The following SYNDIG1 variants were observed in gnomAD, a reference collection of about 807,000 sequenced individuals.
SYNDIG1 encodes synapse differentiation inducing 1.
In SYNDIG1, 9 loss-of-function variants were observed where a neutral mutation model predicts 19.4. The ratio of observed to expected loss-of-function variants is 0.46; its 90% confidence interval spans 0.28 to 0.81. The LOEUF (loss-of-function observed/expected upper bound fraction) is 0.81. SYNDIG1 is among the 30% of genes least tolerant of loss of function. SYNDIG1 has a pLI of 0.12. For synonymous variants in SYNDIG1, 141 were observed against 145.9 expected, an observed-to-expected ratio of 0.97 and a Z score of 0.24; for missense variants, 311 against 343.3, an observed-to-expected ratio of 0.91 and a Z score of 0.74.
intron 1 of SYNDIG1, among the ~76,000 whole-genome samples, chr20:24,542,711 G>A (rs1018227163): frequency 6.6e-6 from 1 of 152,178 alleles, no homozygotes; most frequent in Non-Finnish European, 1.5e-5. Context: ...TTACCTGTGG[G>A]TTTCAGGATG....
intron 1 of SYNDIG1, among the ~76,000 whole-genome samples, chr20:24,485,902 G>A (rs943131194): frequency 3.9e-5 from 6 of 152,218 alleles, no homozygotes; most frequent in African/African-American, 9.6e-5. Context: ...GGCAAGAAGT[G>A]AGAAAGGTGG....
intron 1 of SYNDIG1, among the ~76,000 whole-genome samples, chr20:24,499,761 A>G (rs774653097): frequency 8.5e-5 from 13 of 152,346 alleles, no homozygotes; most frequent in Middle Eastern, 3.4e-3. Flanking sequence ...AAGCAAAAGC[A>G]TCCTTGGTAA....
intron 2 of SYNDIG1, among the ~76,000 whole-genome samples, chr20:24,566,880 A>G (rs1294510997): frequency 6.6e-6 from 1 of 152,166 alleles, no homozygotes; most frequent in East Asian, 1.9e-4. Context: ...CCCCACCCTG[A>G]GCGGGAAGGA....
intron 1 of SYNDIG1, among the ~76,000 whole-genome samples, chr20:24,528,854 G>A (rs1412743451): frequency 6.6e-6 from 1 of 152,140 alleles, no homozygotes. Context: ...TTATCCTAGA[G>A]GACATTTGCA....
At chr20:24,517,680 ATGTATATATATATACACATATATATG>A (rs1358278805) in intron 1 of SYNDIG1, among the ~76,000 whole-genome samples, 3 of 145,552 alleles carry the variant, frequency 2.1e-5, no homozygotes, top group African/African-American at 5.0e-5. Flanking sequence ...ATATGTGTAT[ATGTATATATATATACACATATATATG>A]TGTATATATA....
chr20:24,635,793 G>T (rs901154587), intron 3 of SYNDIG1, among the ~76,000 whole-genome samples: 5 of 151,982 alleles, frequency 3.3e-5, no homozygotes, highest in African/African-American at 1.2e-4. Flanking sequence ...TAACCACCTC[G>T]ACTGCCCTTC....
chr20:24,542,343 T>C (rs1043184509), intron 1 of SYNDIG1, among the ~76,000 whole-genome samples: 18 of 152,214 alleles, frequency 1.2e-4, no homozygotes, highest in African/African-American at 4.1e-4. Flanking sequence ...ATGTGCAGAC[T>C]CATCAGCTGG....
In SYNDIG1 at chr20:24,543,071, C is replaced by T. The variant is rs540350911; in HGVS notation, c.-27C>T. The T allele has an allele frequency of 6.2e-7, 1 of 1,600,304 alleles. No homozygotes were observed. Among genetic ancestry groups the T allele is most frequent in the Non-Finnish European group, 8.5e-7 (1 of 1,170,402 alleles). Reference sequence around the variant, plus strand: ...TAACCTACATTCCCAGCCCACCAGCCTGACGCCCAGCCAGGGAGAGAGTAC... The same window carrying T: ...TAACCTACATTCCCAGCCCACCAGCTTGACGCCCAGCCAGGGAGAGAGTAC... On this transcript the variant is annotated 5_prime_UTR_variant, in exon 2 of 4. Transcript: ENST00000376862.
rs923123951 is a variant in SYNDIG1 at position 24,545,574 on chromosome 20, C to T, written c.480+1997C>T. Reference sequence around the variant, plus strand: ...GCTCAATGCGGGGTTCAGAAGTCATCACACAGGCAGGAGCCCTCCCCCGGC... The same window carrying T: ...GCTCAATGCGGGGTTCAGAAGTCATTACACAGGCAGGAGCCCTCCCCCGGC... On this transcript the variant is annotated intron_variant, in intron 2 of 3. Coordinates refer to ENST00000376862, the MANE Select transcript of SYNDIG1 (RefSeq NM_024893.3). Among the ~76,000 whole-genome samples, 34 of 152,264 alleles carry T rather than the reference C, an allele frequency of 2.2e-4. 1 individual carries two copies. Among genetic ancestry groups the T allele is most frequent in the African/African-American group, 8.2e-4 (34 of 41,572 alleles).
At chr20:24,601,711 TTATC>T (rs1232159784) in intron 3 of SYNDIG1, among the ~76,000 whole-genome samples, 1 of 152,184 alleles carries the variant, frequency 6.6e-6, no homozygotes, top group African/African-American at 2.4e-5. Flanking sequence ...TTGTTGATAT[TTATC>T]TGTAGAAATC....
chr20:24,660,500 G>A (rs1170749514), intron 3 of SYNDIG1, among the ~76,000 whole-genome samples: 1 of 152,212 alleles, frequency 6.6e-6, no homozygotes, highest in Non-Finnish European at 1.5e-5. Flanking sequence ...GGCCTCAGGA[G>A]GAAGGGCCTC....
chr20:24,653,606 A>C (rs2059495157), intron 3 of SYNDIG1, among the ~76,000 whole-genome samples: 1 of 152,168 alleles, frequency 6.6e-6, no homozygotes, highest in African/African-American at 2.4e-5. Context: ...AGTGCTCCTT[A>C]GCCCCCCTGG....
In SYNDIG1 at chr20:24,628,028, G is replaced by A. The variant is rs143352763; in HGVS notation, c.619-37318G>A. On this transcript the variant is annotated intron_variant, in intron 3 of 3. Coordinates refer to ENST00000376862, the MANE Select transcript of SYNDIG1 (RefSeq NM_024893.3). ...GATGTTAAATCATCTTTGATTGTTC[G>A]TACTTATGGCACTTAGAGGAGCACA... Among the ~76,000 whole-genome samples, 979 of 152,276 alleles carry A rather than the reference G, an allele frequency of 6.4e-3. 10 individuals are homozygous for A. Among genetic ancestry groups the A allele is most frequent in the African/African-American group, 0.022 (909 of 41,548 alleles).
In SYNDIG1 at chr20:24,543,280, C is replaced by T. The variant is rs2057504579; in HGVS notation, c.183C>T (p.Ser61=). ...TGGGGGCCAGCACAGTGCCGGCCAG[C>T]CTGGACAGCAGCAGGAGTGAGCCGA... ...HRVGASTVPA[S]LDSSRSEPMQ... is the part of the protein sequence containing the mutation. Residue 61 remains serine, a synonymous_variant, in exon 2 of 4, where the codon AGC becomes AGT. Coordinates refer to ENST00000376862, the MANE Select transcript of SYNDIG1 (RefSeq NM_024893.3). The T allele has an allele frequency of 2.5e-6, 4 of 1,613,670 alleles. No individual in the cohort carries two copies. The highest frequency in any genetic ancestry group is 1.1e-5 in the South Asian group (1 of 91,076).
chr20:24,494,148 C>T (rs933692270), intron 1 of SYNDIG1, among the ~76,000 whole-genome samples: 4 of 151,140 alleles, frequency 2.6e-5, no homozygotes, highest in Non-Finnish European at 4.4e-5. Flanking sequence ...GGAAGAGGGC[C>T]GGGGGCGGGG....
chr20:24,512,153 A>ATATATATATATG (rs1221978118), intron 1 of SYNDIG1, among the ~76,000 whole-genome samples: 3 of 112,808 alleles, frequency 2.7e-5, no homozygotes, highest in South Asian at 6.0e-4. Context: ...ATATATATAT[A>ATATATATATATG]TGCAGTGGTT....
At chr20:24,657,668 G>A (rs1025760472) in intron 3 of SYNDIG1, among the ~76,000 whole-genome samples, 2 of 152,130 alleles carry the variant, frequency 1.3e-5, no homozygotes, top group African/African-American at 2.4e-5. Flanking sequence ...GTGTTGGGGG[G>A]TCTGCGTGTG....
intron 1 of SYNDIG1, among the ~76,000 whole-genome samples, chr20:24,531,607 C>G (rs545769280): frequency 6.8e-6 from 1 of 147,376 alleles, no homozygotes; most frequent in East Asian, 2.0e-4. Context: ...GCAAAACCAT[C>G]TATTAAACAT....
chr20:24,526,586 TATAGATATATAG>T (rs2057128432), intron 1 of SYNDIG1, among the ~76,000 whole-genome samples: 1 of 152,162 alleles, frequency 6.6e-6, no homozygotes, highest in Non-Finnish European at 1.5e-5. Context: ...GAGATATAGA[TATAGATATATAG>T]ATAGATATAT....
Sources: gnomAD v4.1 joint callset for allele counts (sites outside exome capture counted in the v4.1 genomes callset) on GRCh38, gnomAD v4.1.1 for gene constraint, MANE v1.5 for transcripts, NCBI Gene and HGNC (gene_info 2026-07-23, HGNC 2026-07-21) for gene names.